The following PLXNA4 variants were observed in gnomAD, a reference collection of about 807,000 sequenced individuals.
PLXNA4 encodes plexin-A4.
In PLXNA4, 44 loss-of-function variants were observed where a neutral mutation model predicts 191.8. The ratio of observed to expected loss-of-function variants is 0.23; its 90% CI spans 0.18 to 0.29. PLXNA4 has a LOEUF of 0.29. Among genes scored for constraint, PLXNA4 ranks in the 10% least tolerant of loss-of-function variants. PLXNA4 has a pLI of 1.00. For synonymous variants in PLXNA4, 1,082 were observed against 1,009.5 expected (o/e 1.07, Z -1.36); for missense variants, 1,800 against 2,488.8 (o/e 0.72, Z 5.89).
chr7:132,393,711 A>G (rs1585075268), intron 3 of PLXNA4, among the ~76,000 whole-genome samples: 2 of 152,156 alleles, frequency 1.3e-5, no homozygotes, highest in East Asian at 3.9e-4. Flanking sequence ...GGAAGTGGAG[A>G]GGATGGTGGG....
chr7:132,148,219 A>G (rs1795492410), intron 26 of PLXNA4, among the ~76,000 whole-genome samples: 1 of 152,294 alleles, frequency 6.6e-6, no homozygotes, highest in East Asian at 1.9e-4. Context: ...AACTTCTGGC[A>G]AGAGCTCCTC....
At chr7:132,166,168 GC>G (rs1796117359) in intron 22 of PLXNA4, among the ~76,000 whole-genome samples, 1 of 151,798 alleles carries the variant, frequency 6.6e-6, no homozygotes, top group Non-Finnish European at 1.5e-5. Context: ...CTGCACTCCA[GC>G]CTGGCGACAG....
chr7:132,643,419 G>A (rs1288064136), intron 2 of PLXNA4, among the ~76,000 whole-genome samples: 9 of 144,532 alleles, frequency 6.2e-5, no homozygotes, highest in African/African-American at 2.3e-4. Context: ...TGACCCCCCA[G>A]CCCCCACCCC....
intron 1 of PLXNA4, among the ~76,000 whole-genome samples, chr7:132,523,735 G>A (rs1003528111): frequency 1.3e-5 from 2 of 152,164 alleles, no homozygotes; most frequent in African/African-American, 2.4e-5. Flanking sequence ...GTCAGAAAGC[G>A]AGACTGGTTG....
chr7:132,322,566 G>A (rs1218742842), intron 3 of PLXNA4, among the ~76,000 whole-genome samples: 1 of 152,176 alleles, frequency 6.6e-6, no homozygotes. Flanking sequence ...ATCCCACACA[G>A]CAAGAAGGTA....
chr7:132,234,057 A>G lies in PLXNA4; in HGVS notation c.1605-5588T>C, dbSNP rs146261270. On this transcript the variant is annotated intron_variant, in intron 5 of 31. Transcript: ENST00000321063. ...AAGGTTGAGGAGAGGTTAGGAAAGA[A>G]CAGGTGTGGAGCAGAGCAGGAGTGG... 1.5e-3 allele frequency among the ~76,000 whole-genome samples: 233 copies of G among 152,272 alleles called. 1 individual carries two copies. The highest frequency in any genetic ancestry group is 6.8e-3 in the Middle Eastern group (2 of 294).
chr7:132,181,228 T>G (rs898481458), intron 18 of PLXNA4, among the ~76,000 whole-genome samples, 153 bp downstream of exon 18: 1 of 152,078 alleles, frequency 6.6e-6, no homozygotes, highest in South Asian at 2.1e-4. Flanking sequence ...CAGTACAGAC[T>G]CAGAGAGAAC....
At chr7:132,474,639 C>T (rs564011289) in intron 3 of PLXNA4, among the ~76,000 whole-genome samples, 7 of 143,258 alleles carry the variant, frequency 4.9e-5, no homozygotes, top group Non-Finnish European at 7.5e-5. Flanking sequence ...CACACACACG[C>T]GCGCGCACGC....
chr7:132,246,034 G>A (rs1799037971), intron 4 of PLXNA4, among the ~76,000 whole-genome samples: 1 of 152,196 alleles, frequency 6.6e-6, no homozygotes, highest in African/African-American at 2.4e-5. Context: ...ACCACAATGT[G>A]AGTGTACTTA....
chr7:132,528,571 G>A (rs1799502318), intron 1 of PLXNA4, among the ~76,000 whole-genome samples: 1 of 152,198 alleles, frequency 6.6e-6, no homozygotes, highest in East Asian at 1.9e-4. Context: ...CCTGATGAAT[G>A]GGACTGAATG....
chr7:132,355,756 G>A (rs1422919390), intron 3 of PLXNA4, among the ~76,000 whole-genome samples: 1 of 152,010 alleles, frequency 6.6e-6, no homozygotes, highest in African/African-American at 2.4e-5. Context: ...GGGGAAGGGG[G>A]AAAAATCAAG....
At chr7:132,286,026 C>T (rs539084986) in intron 4 of PLXNA4, among the ~76,000 whole-genome samples, 7 of 152,098 alleles carry the variant, frequency 4.6e-5, no homozygotes, top group Non-Finnish European at 1.0e-4. Context: ...CACTCAAAAG[C>T]GTAAGGAGAA....
chr7:132,326,474 G>A (rs1044149611), intron 3 of PLXNA4, among the ~76,000 whole-genome samples: 4 of 152,104 alleles, frequency 2.6e-5, no homozygotes, highest in African/African-American at 9.7e-5. Flanking sequence ...GGCCTGCATG[G>A]TCTGGCCCCC....
intron 1 of PLXNA4, among the ~76,000 whole-genome samples, chr7:132,528,409 C>T (rs2116417043): frequency 6.6e-6 from 1 of 152,316 alleles, no homozygotes; most frequent in Middle Eastern, 3.4e-3. Flanking sequence ...GTTCACCCTC[C>T]ACACATGGCC....
intron 2 of PLXNA4, among the ~76,000 whole-genome samples, chr7:132,638,756 T>TAA (rs1436769737): frequency 1.3e-5 from 2 of 151,936 alleles, no homozygotes; most frequent in African/African-American, 4.8e-5. Flanking sequence ...TCACATGAAA[T>TAA]AAAAATATAT....
chr7:132,507,580 G>T lies in PLXNA4; in HGVS notation c.1114C>A (p.Gln372Lys). ...GTGCCCTCGCCCCGGTAACAAGACT[G>T]CAGCCGCTCCTTAATGCGGTCATTT... Reference protein sequence around the residue: ...QINDRIKERLQSCYRGEGTLD... With the variant: ...QINDRIKERLKSCYRGEGTLD... Residue 372 changes from glutamine (Q) to lysine (K), a missense_variant, in exon 2 of 32, where the codon CAG (glutamine) becomes AAG (lysine). Physicochemically the swap from Gln to Lys is moderately conservative, Grantham distance 53. Around this residue, in one of 6 missense-constraint regions of PLXNA4, gnomAD observed 1,397 missense variants for 1,880.4 expected, o/e 0.74. Coordinates refer to ENST00000321063, the MANE Select transcript of PLXNA4 (RefSeq NM_020911.2). 1.2e-6 allele frequency: 2 copies of T among 1,614,122 alleles called. No individual in the cohort carries two copies. Among genetic ancestry groups the T allele is most frequent in the South Asian group, 1.1e-5 (1 of 91,086 alleles).
intron 3 of PLXNA4, among the ~76,000 whole-genome samples, chr7:132,371,812 C>G (rs1804452948): frequency 6.6e-6 from 1 of 152,152 alleles, no homozygotes; most frequent in African/African-American, 2.4e-5. Context: ...CATACACACA[C>G]TCACACACAC....
chr7:132,544,520 A>G (rs1302874852), intron 1 of PLXNA4, among the ~76,000 whole-genome samples: 1 of 152,208 alleles, frequency 6.6e-6, no homozygotes, highest in African/African-American at 2.4e-5. Flanking sequence ...GAAGGAGCAC[A>G]CAGAAATAGA....
At chr7:132,271,232 T>C (rs948970905) in intron 4 of PLXNA4, 1 of 152,064 alleles carries the variant, frequency 6.6e-6, no homozygotes, top group African/African-American at 2.4e-5. Flanking sequence ...ATAGTAAACT[T>C]TGAATGAAAG....
Sources: gnomAD v4.1 joint callset for allele counts (sites outside exome capture counted in the v4.1 genomes callset) on GRCh38, gnomAD v4.1.1 for gene constraint, gnomAD v4.1.1 regional missense constraint, MANE v1.5 for transcripts, NCBI Gene and HGNC (gene_info 2026-07-23, HGNC 2026-07-21) for gene names.